Variants in MAPKAPK3 observed in about 807,000 individuals in gnomAD.
MAPKAPK3 encodes the protein MAPK activated protein kinase 3.
MAPKAPK3 carries 35 observed loss-of-function variants against 49.2 expected under a neutral mutation model. That is an observed-to-expected ratio of 0.71 (90% CI 0.54 to 0.94). The LOEUF is 0.94. Among genes scored for constraint, MAPKAPK3 ranks in the 40% least tolerant of loss-of-function variants. MAPKAPK3 has a pLI of 0.00. For missense variants in MAPKAPK3, 398 were observed against 493.1 expected, an observed-to-expected ratio of 0.81 and a Z score of 1.83; for synonymous variants, 178 against 188.7, an observed-to-expected ratio of 0.94 and a Z score of 0.46.
At chr3:50,640,002 T>A (rs1029868390) in intron 2 of MAPKAPK3, among the ~76,000 whole-genome samples, 1 of 152,214 alleles carries the variant, frequency 6.6e-6, no homozygotes. Flanking sequence ...TCAAGGGATG[T>A]GTGGCCCCTG....
At position 50,644,444 on chromosome 3, in the gene MAPKAPK3, C is replaced by T. The variant is rs759090562; in HGVS notation, c.540C>T (p.Asp180=). The T allele has an allele frequency of 1.3e-5, 21 of 1,614,088 alleles. No homozygotes were observed. The highest frequency in any genetic ancestry group is 8.9e-5 in the East Asian group (4 of 44,900). Residue 180 remains aspartate (D), a synonymous_variant, in exon 6 of 11, where the codon GAC becomes GAT. Transcript: ENST00000621469. ...TACTCTACACATCTAAGGAGAAAGA[C>T]GCAGTGCTTAAGCTCACCGATTTTG... ...ENLLYTSKEK[D]AVLKLTDFGF...
chr3:50,646,087 T>A, intron 7 of MAPKAPK3, 53 bp from the exon 8 acceptor site: 1 of 1,583,878 alleles, frequency 6.3e-7, no homozygotes, highest in Non-Finnish European at 8.6e-7. Context: ...GGGAAATGGG[T>A]CCACCCTGGC....
chr3:50,646,810 C>T lies in MAPKAPK3; in HGVS notation c.900C>T (p.Asn300=), dbSNP rs2033310229. 6.2e-7 allele frequency: 1 copy of T among 1,613,930 alleles called. No homozygotes were observed. Among genetic ancestry groups the T allele is most frequent in the Admixed American group, 1.7e-5 (1 of 59,990 alleles). ...TERLTITQFM[N]HPWINQSMVV... ...GGCTGACCATCACTCAGTTCATGAA[C>T]CACCCCTGGATCAACGTGAGCCCCT... The change falls in exon 9 of 11, where the codon AAC becomes AAT. Residue 300 remains asparagine, a synonymous_variant. Transcript: ENST00000621469.
chr3:50,646,143 T>G lies in MAPKAPK3; in HGVS notation c.708T>G (p.Leu236=). 1 of 1,613,406 alleles carries G rather than the reference T, an allele frequency of 6.2e-7. No homozygotes were observed. The stretch of plus-strand genomic sequence containing the variant: ...AATGACTTACCCCTTCCCCCAGCCT[T>G]TGTGGCTTCCCACCCTTCTACTCCA... ...WSLGVIMYIL[L]CGFPPFYSNT... The change falls in exon 8 of 11, where the codon CTT becomes CTG. Residue 236 remains leucine (L), a synonymous_variant. Coordinates refer to ENST00000621469, the MANE Select transcript of MAPKAPK3 (RefSeq NM_001243925.2).
rs568116574 is a variant in MAPKAPK3, at chr3:50,631,441, G to A, written c.220-8925G>A. Among the ~76,000 whole-genome samples, 6 of 152,306 alleles carry A rather than the reference G, an allele frequency of 3.9e-5. No individual in the cohort carries two copies. In the South Asian group the frequency reaches 1.0e-3, roughly 26 times the overall value. ...AATTCAGGGTCAATCCCATCCTGAC[G>A]TCTTCCCTGCAGAGCAGAGGCTGAG... On this transcript the variant is annotated intron_variant, in intron 2 of 10. Coordinates refer to ENST00000621469, the MANE Select transcript of MAPKAPK3 (RefSeq NM_001243925.2).
chr3:50,611,610 G>A (rs536041818), upstream of MAPKAPK3: 2 of 1,521,266 alleles, frequency 1.3e-6, no homozygotes, highest in Non-Finnish European at 1.8e-6. Flanking sequence ...GGCCGGGAAG[G>A]GGGCAGAGAG....
At chr3:50,642,428 A>T (rs1168056024) in intron 5 of MAPKAPK3, 96 bp downstream of exon 5, 1 of 876,042 alleles carries the variant, frequency 1.1e-6, no homozygotes, top group Non-Finnish European at 1.9e-6. Flanking sequence ...GATGGAGGCC[A>T]TGTTCCCTAG....
chr3:50,611,734 CT>C (rs968170255), upstream of MAPKAPK3: 11 of 1,404,970 alleles, frequency 7.8e-6, no homozygotes, highest in Admixed American at 3.3e-4. Flanking sequence ...GGAGCGCGTG[CT>C]GGGTAGGCTC....
intron 2 of MAPKAPK3, among the ~76,000 whole-genome samples, chr3:50,637,717 GA>G (rs2033076556): frequency 3.7e-5 from 5 of 134,938 alleles, no homozygotes; most frequent in African/African-American, 1.3e-4. Context: ...GAGAGAGAGA[GA>G]GAGAGATGGA....
chr3:50,647,047 G>C, intron 9 of MAPKAPK3, 76 bp from the exon 10 acceptor site: 1 of 1,303,952 alleles, frequency 7.7e-7, no homozygotes, highest in South Asian at 1.3e-5. Flanking sequence ...TCTGGGAGAA[G>C]AGGATGGAGT....
chr3:50,633,040 G>T (rs2032950730), intron 2 of MAPKAPK3, among the ~76,000 whole-genome samples: 1 of 152,052 alleles, frequency 6.6e-6, no homozygotes, highest in Non-Finnish European at 1.5e-5. Flanking sequence ...AAGACAGACA[G>T]AGTGATTTTC....
chr3:50,616,891 C>T (rs147430081), upstream of MAPKAPK3, among the ~76,000 whole-genome samples: 267 of 152,018 alleles, frequency 1.8e-3, 5 homozygotes, highest in East Asian at 0.041. Context: ...ACCCGGGACC[C>T]GCACAGTAGC....
rs765921432 is a variant in MAPKAPK3 at position 50,642,340 on chromosome 3, T to C, written c.504+8T>C. 2.0e-5 allele frequency: 32 copies of C among 1,609,656 alleles called. No individual in the cohort carries two copies. Among genetic ancestry groups the C allele is most frequent in the Non-Finnish European group, 2.7e-5 (32 of 1,178,464 alleles). ...GCCCACCGAGATGTCAAGGTGAGGCTCCAGGATTCAGGTTGGGGGCCCGGG... is the reference window on the plus strand; with the variant it reads ...GCCCACCGAGATGTCAAGGTGAGGCCCCAGGATTCAGGTTGGGGGCCCGGG... On this transcript the variant is annotated splice_region_variant and intron_variant, in intron 5 of 10. Transcript: ENST00000621469.
intron 2 of MAPKAPK3, among the ~76,000 whole-genome samples, chr3:50,634,005 C>G (rs1175346781): frequency 6.6e-6 from 1 of 152,200 alleles, no homozygotes; most frequent in Non-Finnish European, 1.5e-5. Flanking sequence ...CCCTTCTGCT[C>G]TCAAATTTTG....
chr3:50,640,559 G>A, intron 3 of MAPKAPK3, 54 bp downstream of exon 3: 1 of 1,548,176 alleles, frequency 6.5e-7, no homozygotes, highest in African/African-American at 1.4e-5. Context: ...TGGCCCTCAG[G>A]CTCCCTGCCA....
chr3:50,611,855 C>A, upstream of MAPKAPK3: 1 of 604,606 alleles, frequency 1.7e-6, no homozygotes, highest in East Asian at 3.5e-5. Flanking sequence ...CTGCCTAATC[C>A]TTTGTCTGCC....
chr3:50,647,567 C>T (rs370094843), intron 10 of MAPKAPK3, among the ~76,000 whole-genome samples: 3 of 152,270 alleles, frequency 2.0e-5, no homozygotes, highest in East Asian at 3.8e-4. Context: ...GGCCCCAGTG[C>T]GCTGGTTGCC....
In MAPKAPK3 at chr3:50,648,037, C is replaced by T; in HGVS notation, c.1140C>T (p.Asn380=). 1.2e-6 allele frequency: 2 copies of T among 1,612,732 alleles called. No individual in the cohort carries two copies. The highest frequency in any genetic ancestry group is 1.7e-6 in the Non-Finnish European group (2 of 1,179,498). ...GCTCCTCTGCCTCACAGGGCTGCAACAACCAGTAGCTCATGGGGCCTTGGA... is the reference window on the plus strand; with the variant it reads ...GCTCCTCTGCCTCACAGGGCTGCAATAACCAGTAGCTCATGGGGCCTTGGA... ...AGSSSASQGC[N]NQ The change falls in exon 11 of 11, where the codon AAC becomes AAT. Residue 380 remains asparagine (N), a synonymous_variant. Transcript: ENST00000621469.
At position 50,640,479 on chromosome 3, in the gene MAPKAPK3, G is replaced by A. The variant is rs558117363; in HGVS notation, c.333G>A (p.Lys111=). The A allele has an allele frequency of 1.9e-6, 3 of 1,613,614 alleles. No homozygotes were observed. The highest frequency in any genetic ancestry group is 1.1e-5 in the South Asian group (1 of 91,054). ...LDVYENMHHG[K]RCLLIIMECM... ...TGTATGAGAACATGCACCATGGCAA[G>A]CGCTGTCTCCTCATCATCATGGAAT... Residue 111 remains lysine, a synonymous_variant, in exon 3 of 11, where the codon AAG becomes AAA. Coordinates refer to ENST00000621469, the MANE Select transcript of MAPKAPK3 (RefSeq NM_001243925.2).
Sources: allele counts gnomAD v4.1 joint callset (sites outside exome capture counted in the v4.1 genomes callset), GRCh38; gene constraint gnomAD v4.1.1; transcripts MANE v1.5; gene names NCBI Gene and HGNC (gene_info 2026-07-23, HGNC 2026-07-21).